The following C17orf67 variants were observed in gnomAD, a reference collection of about 807,000 sequenced individuals.
The protein encoded by C17orf67 is chromosome 17 open reading frame 67.
In C17orf67, 12 loss-of-function variants were observed where a neutral mutation model predicts 11.2. That is an observed-to-expected ratio of 1.07 (90% CI 0.68 to 1.73). The LOEUF (loss-of-function observed/expected upper bound fraction) is 1.73, where lower values mean the gene tolerates loss of function less well. Ranked by LOEUF, C17orf67 falls within the 40% of genes most tolerant of loss-of-function variation. C17orf67 has a pLI of 0.00. For missense variants in C17orf67, 115 were observed against 113.5 expected (o/e 1.01, Z -0.06); for synonymous variants, 59 against 46.9 (o/e 1.26, Z -1.05).
chr17:56,808,564 T>C (rs1905513516), intron 6 of C17orf67, among the ~76,000 whole-genome samples: 1 of 152,156 alleles, frequency 6.6e-6, no homozygotes, highest in African/African-American at 2.4e-5. Flanking sequence ...ATGTCCGTGC[T>C]CCTCTGGGTT....
intron 7 of C17orf67, among the ~76,000 whole-genome samples, chr17:56,794,592 AG>A (rs746194835): frequency 9.9e-5 from 15 of 152,156 alleles, no homozygotes; most frequent in Non-Finnish European, 1.9e-4. Context: ...GCAGCCTTGA[AG>A]GCTGCAGGAA....
chr17:56,818,017 T>C (rs1175085267), intron 4 of C17orf67, among the ~76,000 whole-genome samples: 1 of 152,056 alleles, frequency 6.6e-6, no homozygotes, highest in East Asian at 1.9e-4. Context: ...CTAATTTTTG[T>C]ATATTTTTGT....
In C17orf67 at chr17:56,824,759, A is replaced by G. The variant is rs373715084; in HGVS notation, c.-221T>C. ...CTTACCTCCTGCTGGGAACCTTCAC[A>G]TATCAATGATTTACTGCTATTTCCC... On this transcript the variant is annotated 5_prime_UTR_variant, in exon 4 of 8. An upstream start codon of the reference 5' UTR is lost. Coordinates refer to ENST00000397861, the MANE Select transcript of C17orf67 (RefSeq NM_001085430.4). The G allele has an allele frequency of 6.6e-6, 1 of 152,236 alleles. No individual in the cohort carries two copies. Among genetic ancestry groups the G allele is most frequent in the Non-Finnish European group, 1.5e-5 (1 of 68,048 alleles). The allele number at this position is 152,236 out of a possible 1,614,324, so 9.4% of individuals were successfully genotyped here. A position where few individuals can be genotyped will look rare whatever the true frequency, so the allele number is the denominator to read the frequency against.
At chr17:56,816,481 T>C (rs373982411) in intron 4 of C17orf67, among the ~76,000 whole-genome samples, 4 of 152,348 alleles carry the variant, frequency 2.6e-5, no homozygotes, top group East Asian at 1.9e-4. Flanking sequence ...GGGAAAGCTA[T>C]GACCTTCATG....
chr17:56,802,074 G>T (rs1258039714), intron 6 of C17orf67, among the ~76,000 whole-genome samples: 2 of 152,186 alleles, frequency 1.3e-5, no homozygotes, highest in Admixed American at 6.5e-5. Flanking sequence ...CCTTGGGTTA[G>T]ATACTAAATG....
At position 56,815,749 on chromosome 17, in the gene C17orf67, T is replaced by A. The variant is rs1232250203; in HGVS notation, c.55+7A>T. On this transcript the variant is annotated splice_region_variant and intron_variant, in intron 5 of 7. Transcript: ENST00000397861. Reference sequence around the variant, plus strand: ...AGAAATAGGCTGTTTTTGGAGTCAGTGCCCACCTGAGAAGACAGTCAGTAA... The same window carrying A: ...AGAAATAGGCTGTTTTTGGAGTCAGAGCCCACCTGAGAAGACAGTCAGTAA... The A allele has an allele frequency of 6.2e-7, 1 of 1,606,478 alleles. No individual in the cohort carries two copies.
rs1430818086 is a variant in C17orf67, at chr17:56,833,666, C to G, written c.-1050G>C. 8 of 152,000 alleles carry G rather than the reference C, an allele frequency of 5.3e-5. No homozygotes were observed. In the South Asian group the frequency reaches 8.3e-4, roughly 16 times the overall value. 9.4% of individuals were successfully genotyped at this position (152,000 alleles called of 1,614,324 possible). A position where few individuals can be genotyped will look rare whatever the true frequency, so the allele number is the denominator to read the frequency against. ...GGCGGTGCCGCGCAGGCCGCCTCCCCCCCTCGCTTCCCAGTCGGCTTACGC... is the reference window on the plus strand; with the variant it reads ...GGCGGTGCCGCGCAGGCCGCCTCCCGCCCTCGCTTCCCAGTCGGCTTACGC... On this transcript the variant is annotated 5_prime_UTR_variant, in exon 1 of 8. Coordinates refer to ENST00000397861, the MANE Select transcript of C17orf67 (RefSeq NM_001085430.4).
In C17orf67 at chr17:56,833,075, C is replaced by G. The variant is rs1407719089; in HGVS notation, c.-734G>C. The G allele has an allele frequency of 1.3e-5, 2 of 152,260 alleles. No individual in the cohort carries two copies. The highest frequency in any genetic ancestry group is 4.8e-5 in the African/African-American group (2 of 41,448). 9.4% of individuals were successfully genotyped at this position (152,260 alleles called of 1,614,324 possible). ...TTCCATCTTTTATGCTAGAGGAAGT[C>G]CGCAAGCAACAAGTGGTCCTCGGCT... On this transcript the variant is annotated 5_prime_UTR_variant, in exon 2 of 8. Coordinates refer to ENST00000397861, the MANE Select transcript of C17orf67 (RefSeq NM_001085430.4).
In C17orf67 at chr17:56,815,721, C is replaced by A. The variant is rs754956702; in HGVS notation, c.55+35G>T. On this transcript the variant is annotated intron_variant, in intron 5 of 7. Coordinates refer to ENST00000397861, the MANE Select transcript of C17orf67 (RefSeq NM_001085430.4). ...AATAGACTATTATTTATCATGTCAG[C>A]ATAGAAATAGGCTGTTTTTGGAGTC... is the stretch of plus-strand genomic sequence containing the variant. The A allele has an allele frequency of 2.6e-6, 4 of 1,559,854 alleles. No homozygotes were observed. The Admixed American group carries it at 6.8e-5, about 26-fold the overall frequency.
intron 6 of C17orf67, among the ~76,000 whole-genome samples, chr17:56,801,122 T>C (rs962421380): frequency 1.3e-5 from 2 of 152,220 alleles, no homozygotes; most frequent in Non-Finnish European, 2.9e-5. Context: ...GATTTTTAAC[T>C]TGGAGTGTGT....
At position 56,795,270 on chromosome 17, in the gene C17orf67, G is replaced by A. The variant is rs1309301608; in HGVS notation, c.157-90C>T. Reference sequence around the variant, plus strand: ...TGGTGTGGCTCTGGCTCCCTAGACAGGGCAGGATGGGAGGACAGGCAGGGA... The same window carrying A: ...TGGTGTGGCTCTGGCTCCCTAGACAAGGCAGGATGGGAGGACAGGCAGGGA... On this transcript the variant is annotated intron_variant, in intron 6 of 7. Coordinates refer to ENST00000397861, the MANE Select transcript of C17orf67 (RefSeq NM_001085430.4). The A allele has an allele frequency of 1.6e-5, 18 of 1,126,294 alleles. No homozygotes were observed. In the East Asian group the frequency reaches 3.6e-4, roughly 22 times the overall value. 69.8% of individuals were successfully genotyped at this position (1,126,294 alleles called of 1,614,324 possible).
chr17:56,809,142 A>G (rs1356317829), intron 6 of C17orf67, among the ~76,000 whole-genome samples: 2 of 152,036 alleles, frequency 1.3e-5, no homozygotes, highest in African/African-American at 4.8e-5. Flanking sequence ...CCATGGCAAG[A>G]AGGTGCAATA....
chr17:56,826,797 T>C (rs1046712227), intron 2 of C17orf67, among the ~76,000 whole-genome samples: 14 of 152,244 alleles, frequency 9.2e-5, no homozygotes, highest in East Asian at 1.9e-4. Context: ...AGTCCCACCA[T>C]TGGCTGTGTG....
At chr17:56,794,957 G>T in intron 7 of C17orf67, 87 bp downstream of exon 7, 1 of 904,070 alleles carries the variant, frequency 1.1e-6, no homozygotes, top group Non-Finnish European at 1.7e-6. Flanking sequence ...CCCCCCTGAG[G>T]CATGGTCTGG....
chr17:56,813,211 C>T (rs1905673547), intron 6 of C17orf67, among the ~76,000 whole-genome samples: 1 of 152,130 alleles, frequency 6.6e-6, no homozygotes, highest in African/African-American at 2.4e-5. Context: ...CCAGAGCCCC[C>T]ACCCCCAACC....
At chr17:56,814,776 T>A in intron 6 of C17orf67, 93 bp downstream of exon 6, 1 of 1,205,060 alleles carries the variant, frequency 8.3e-7, no homozygotes, top group Non-Finnish European at 1.2e-6. Flanking sequence ...AACCCCTAAC[T>A]AGCAGCCCAT....
chr17:56,821,307 C>T (rs374082512), intron 4 of C17orf67, among the ~76,000 whole-genome samples: 104 of 152,264 alleles, frequency 6.8e-4, no homozygotes, highest in African/African-American at 2.4e-3. Flanking sequence ...TCCATATTTG[C>T]TTTCATCTTT....
chr17:56,825,724 A>G (rs145979558), intron 2 of C17orf67, among the ~76,000 whole-genome samples: 528 of 152,320 alleles, frequency 3.5e-3, no homozygotes, highest in African/African-American at 0.011. Flanking sequence ...AATAACATAT[A>G]AAAGTTATTT....
intron 2 of C17orf67, among the ~76,000 whole-genome samples, chr17:56,829,472 G>C (rs1906133386): frequency 1.3e-5 from 2 of 152,128 alleles, no homozygotes; most frequent in African/African-American, 2.4e-5. Flanking sequence ...TTCCACACCA[G>C]CCAGGCAGCC....
Sources: gnomAD v4.1 joint callset for allele counts (sites outside exome capture counted in the v4.1 genomes callset) on GRCh38, gnomAD v4.1.1 for gene constraint, MANE v1.5 for transcripts, NCBI Gene and HGNC (gene_info 2026-07-23, HGNC 2026-07-21) for gene names.